CNTNAP2: variants seen among roughly 807,000 people sequenced by gnomAD.
CNTNAP2 encodes the protein contactin associated protein 2.
A neutral mutation model predicts 155.2 loss-of-function variants in CNTNAP2; 98 were observed. The ratio of observed to expected loss-of-function variants is 0.63; its 90% CI spans 0.54 to 0.75. CNTNAP2 has a LOEUF of 0.75. CNTNAP2 is among the 30% of genes least tolerant of loss of function. The probability of loss-of-function intolerance (pLI) is 0.00; values close to 1 mark genes in which losing one functional copy is unlikely to be tolerated. For missense variants in CNTNAP2, 1,727 were observed against 1,688.1 expected, an observed-to-expected ratio of 1.02 and a Z score of -0.40; for synonymous variants, 651 against 631.2, an observed-to-expected ratio of 1.03 and a Z score of -0.47.
At chr7:147,275,766 A>G (rs1804882030) in intron 8 of CNTNAP2, among the ~76,000 whole-genome samples, 1 of 152,036 alleles carries the variant, frequency 6.6e-6, no homozygotes, top group African/African-American at 2.4e-5. Context: ...AATGCTTTCA[A>G]CTTTTCCTCA....
In CNTNAP2 at chr7:147,148,253, A is replaced by G. The variant is rs563239970; in HGVS notation, c.1348+15744A>G. Among the ~76,000 whole-genome samples, 810 of 150,726 alleles carry G rather than the reference A, an allele frequency of 5.4e-3. 11 individuals carry two copies. The highest frequency in any genetic ancestry group is 0.018 in the African/African-American group (743 of 41,218). ...AAAATACAAAAAAATAGCCGGGCGT[A>G]GTGGCGGGCGCCTGTAGTCCCAGCT... On this transcript the variant is annotated intron_variant, in intron 8 of 23. Transcript: ENST00000361727.
intron 18 of CNTNAP2, among the ~76,000 whole-genome samples, chr7:148,175,737 T>C (rs2116695790): frequency 6.6e-6 from 1 of 152,122 alleles, no homozygotes; most frequent in South Asian, 2.1e-4. Flanking sequence ...ACAGATAAGC[T>C]AAGTCTCACC....
At chr7:146,157,378 G>A (rs188538845) in intron 1 of CNTNAP2, among the ~76,000 whole-genome samples, 91 of 152,202 alleles carry the variant, frequency 6.0e-4, no homozygotes, top group East Asian at 5.0e-3. Context: ...CTGAAGTACC[G>A]GCTTCATCTC....
At chr7:146,715,415 A>G (rs1361648964) in intron 1 of CNTNAP2, among the ~76,000 whole-genome samples, 3 of 152,200 alleles carry the variant, frequency 2.0e-5, no homozygotes, top group African/African-American at 7.2e-5. Flanking sequence ...GACTCTGTAT[A>G]TTAACAGAGG....
intron 9 of CNTNAP2, among the ~76,000 whole-genome samples, chr7:147,363,537 T>A (rs1033902725): frequency 1.3e-5 from 2 of 152,204 alleles, no homozygotes; most frequent in Non-Finnish European, 2.9e-5. Flanking sequence ...CATTCTTTTT[T>A]AAAAATGTTC....
chr7:148,359,229 C>T (rs1434022902), intron 21 of CNTNAP2, among the ~76,000 whole-genome samples: 1 of 152,172 alleles, frequency 6.6e-6, no homozygotes, highest in Non-Finnish European at 1.5e-5. Flanking sequence ...TGTGGAAGTG[C>T]ATTCTGTGAC....
chr7:147,501,924 C>T (rs1435099123), intron 11 of CNTNAP2, among the ~76,000 whole-genome samples: 1 of 152,082 alleles, frequency 6.6e-6, no homozygotes, highest in Non-Finnish European at 1.5e-5. Flanking sequence ...CTATACACTA[C>T]CAATGAACTA....
At chr7:147,781,076 T>C (rs1797654740) in intron 13 of CNTNAP2, among the ~76,000 whole-genome samples, 1 of 152,214 alleles carries the variant, frequency 6.6e-6, no homozygotes, top group African/African-American at 2.4e-5. Flanking sequence ...CTTCAGTAAC[T>C]ATTGGTAACT....
At chr7:147,696,857 G>T (rs1480028295) in intron 13 of CNTNAP2, among the ~76,000 whole-genome samples, 1 of 152,036 alleles carries the variant, frequency 6.6e-6, no homozygotes. Flanking sequence ...CATGGTCTCT[G>T]AGGAGATGTC....
intron 3 of CNTNAP2, among the ~76,000 whole-genome samples, chr7:146,960,781 T>A (rs139265579): frequency 1.8e-3 from 269 of 147,214 alleles, no homozygotes; most frequent in African/African-American, 6.2e-3. Context: ...AAATATGGTA[T>A]TTTTTTTTCC....
intron 12 of CNTNAP2, among the ~76,000 whole-genome samples, chr7:147,623,049 A>C (rs903721324): frequency 3.9e-5 from 6 of 152,124 alleles, no homozygotes; most frequent in African/African-American, 1.4e-4. Flanking sequence ...CATACAACCT[A>C]GCAAGATTTA....
intron 13 of CNTNAP2, among the ~76,000 whole-genome samples, chr7:147,752,532 C>G (rs962201755): frequency 6.6e-6 from 1 of 152,046 alleles, no homozygotes; most frequent in Non-Finnish European, 1.5e-5. Flanking sequence ...CAGGAAGGGG[C>G]CTTTGATAAT....
intron 1 of CNTNAP2, among the ~76,000 whole-genome samples, chr7:146,527,113 C>T (rs1294192678): frequency 1.3e-5 from 2 of 152,034 alleles, no homozygotes; most frequent in African/African-American, 4.8e-5. Flanking sequence ...AATCCCTCCT[C>T]TTCTTTACAA....
Position 148,415,732 on chromosome 7 carries a change from G to C in CNTNAP2, c.*116G>C. ...CATCCTTAAAATATCAGCACAAGTT[G>C]GGGGAGGCAGGCAATGGAATATAAT... On this transcript the variant is annotated 3_prime_UTR_variant, in exon 24 of 24. Coordinates refer to ENST00000361727, the MANE Select transcript of CNTNAP2 (RefSeq NM_014141.6). 8.7e-7 allele frequency: 1 copy of C among 1,149,986 alleles called. No homozygotes were observed. The highest frequency in any genetic ancestry group is 1.3e-6 in the Non-Finnish European group (1 of 783,290). The allele number at this position is 1,149,986 out of a possible 1,614,324, so 71.2% of individuals were successfully genotyped here. A position where few individuals can be genotyped will look rare whatever the true frequency, so the allele number is the denominator to read the frequency against.
At chr7:146,280,690 T>A (rs1231242024) in intron 1 of CNTNAP2, among the ~76,000 whole-genome samples, 1 of 152,178 alleles carries the variant, frequency 6.6e-6, no homozygotes, top group African/African-American at 2.4e-5. Flanking sequence ...ACCCCTAGAA[T>A]CTGATCCTTA....
chr7:147,623,190 G>A (rs560572683), intron 12 of CNTNAP2, among the ~76,000 whole-genome samples: 1 of 152,176 alleles, frequency 6.6e-6, no homozygotes, highest in South Asian at 2.1e-4. Flanking sequence ...TCGAAGATCT[G>A]GAACATGACA....
chr7:146,719,156 C>T (rs73168715), intron 1 of CNTNAP2, among the ~76,000 whole-genome samples: 5,194 of 152,254 alleles, frequency 0.034, 131 homozygotes, highest in East Asian at 0.12. Context: ...TATGACTTTT[C>T]AATTCTTGCA....
chr7:147,912,582 G>T (rs966523121), intron 14 of CNTNAP2, among the ~76,000 whole-genome samples: 1 of 152,220 alleles, frequency 6.6e-6, no homozygotes, highest in Non-Finnish European at 1.5e-5. Flanking sequence ...TACACTGAGA[G>T]AAACTTGCAA....
At position 147,075,599 on chromosome 7, in the gene CNTNAP2, A is replaced by G. The variant is rs118180457; in HGVS notation, c.550+31545A>G. Reference sequence around the variant, plus strand: ...TATGAAATACCATAACATTTTTAATATGATATTTTTAAATGAATAAATTTC... The same window carrying G: ...TATGAAATACCATAACATTTTTAATGTGATATTTTTAAATGAATAAATTTC... On this transcript the variant is annotated intron_variant, in intron 4 of 23. Coordinates refer to ENST00000361727, the MANE Select transcript of CNTNAP2 (RefSeq NM_014141.6). Among the ~76,000 whole-genome samples the G allele has an allele frequency of 3.0e-4, 46 of 152,268 alleles. 1 individual carries two copies. In the East Asian group the frequency reaches 8.7e-3, roughly 29 times the overall value.
Sources: allele counts gnomAD v4.1 joint callset (sites outside exome capture counted in the v4.1 genomes callset), GRCh38; gene constraint gnomAD v4.1.1; transcripts MANE v1.5; gene names NCBI Gene and HGNC (gene_info 2026-07-23, HGNC 2026-07-21).